ABCB5: variants seen among roughly 807,000 people sequenced by gnomAD.
The protein encoded by ABCB5 is ATP binding cassette subfamily B member 5.
A neutral mutation model predicts 144.2 loss-of-function variants in ABCB5; 155 were observed. That is an observed-to-expected ratio of 1.08 (90% CI 0.94 to 1.23). ABCB5 has a LOEUF of 1.23. Among genes scored for constraint, ABCB5 ranks in the 50% most tolerant of loss-of-function variants. The pLI, the probability that ABCB5 is intolerant of heterozygous loss-of-function variation, is 0.00. For missense variants in ABCB5, 1,830 were observed against 1,520.8 expected (o/e 1.20, Z -3.38); for synonymous variants, 610 against 528.6 (o/e 1.15, Z -2.11).
chr7:20,741,781 C>T (rs1403934810), intron 24 of ABCB5, among the ~76,000 whole-genome samples: 1 of 152,152 alleles, frequency 6.6e-6, no homozygotes, highest in Non-Finnish European at 1.5e-5. Context: ...ACTACCACCA[C>T]ACACACATGC....
At chr7:20,694,995 A>C (rs1786358719) in intron 16 of ABCB5, among the ~76,000 whole-genome samples, 2 of 151,966 alleles carry the variant, frequency 1.3e-5, no homozygotes, top group East Asian at 3.8e-4. Context: ...TGAATAAGAA[A>C]ATTCAGTATA....
intron 16 of ABCB5, among the ~76,000 whole-genome samples, chr7:20,687,706 C>T: frequency 6.6e-6 from 1 of 152,036 alleles, no homozygotes; most frequent in East Asian, 1.9e-4. Flanking sequence ...GAAAAATAAA[C>T]AAGGAAGTGA....
intron 20 of ABCB5, among the ~76,000 whole-genome samples, chr7:20,715,816 T>TGCC (rs1781657956): frequency 6.7e-6 from 1 of 149,878 alleles, no homozygotes; most frequent in African/African-American, 2.5e-5. Flanking sequence ...GCCTCCCGGG[T>TGCC]TCAAGCGACT....
At chr7:20,717,182 T>C (rs1251237281) in intron 20 of ABCB5, among the ~76,000 whole-genome samples, 2 of 152,070 alleles carry the variant, frequency 1.3e-5, no homozygotes, top group South Asian at 2.1e-4. Context: ...CTGAAACTTA[T>C]GGTGGGGGGT....
At chr7:20,648,131 T>C in intron 11 of ABCB5, 53 bp downstream of exon 11, 1 of 1,089,980 alleles carries the variant, frequency 9.2e-7, no homozygotes, top group Non-Finnish European at 1.4e-6. Flanking sequence ...TATCTTCTAC[T>C]GGCCAAGATC....
At chr7:20,683,725 T>C (rs1440189758) in intron 15 of ABCB5, among the ~76,000 whole-genome samples, 1 of 152,210 alleles carries the variant, frequency 6.6e-6, no homozygotes, top group African/African-American at 2.4e-5. Context: ...ATACTAAGTA[T>C]AATATTCTAA....
At chr7:20,703,375 G>A (rs1786700063) in intron 19 of ABCB5, among the ~76,000 whole-genome samples, 1 of 152,194 alleles carries the variant, frequency 6.6e-6, no homozygotes, top group South Asian at 2.1e-4. Flanking sequence ...ACTGTCCGGT[G>A]CAGACTGTAA....
chr7:20,645,646 T>C, intron 7 of ABCB5, 110 bp from the exon 8 acceptor site: 21 of 1,360,024 alleles, frequency 1.5e-5, no homozygotes, highest in Middle Eastern at 2.1e-4. Flanking sequence ...AGATAAAGTC[T>C]AAAAAAATAC....
At chr7:20,675,642 A>G (rs1260312834) in intron 14 of ABCB5, among the ~76,000 whole-genome samples, 1 of 152,060 alleles carries the variant, frequency 6.6e-6, no homozygotes, top group Non-Finnish European at 1.5e-5. Context: ...AAACAACAAA[A>G]GCAAAATTAA....
At chr7:20,738,706 T>C (rs552460587) in intron 23 of ABCB5, among the ~76,000 whole-genome samples, 11 of 152,320 alleles carry the variant, frequency 7.2e-5, no homozygotes, top group African/African-American at 2.4e-4. Context: ...AGAAGTTTTA[T>C]ATTCACTAGT....
At chr7:20,728,651 G>A (rs1782116587) in intron 23 of ABCB5, among the ~76,000 whole-genome samples, 196 bp downstream of exon 23, 3 of 152,216 alleles carry the variant, frequency 2.0e-5, no homozygotes, top group Admixed American at 2.0e-4. Context: ...CTACTCAGGA[G>A]GCTGAGGCAG....
At chr7:20,665,766 GAGATAC>G (rs1281738012) in intron 14 of ABCB5, among the ~76,000 whole-genome samples, 36 of 131,406 alleles carry the variant, frequency 2.7e-4, no homozygotes, top group Non-Finnish European at 5.3e-4. Context: ...TAGATAGATA[GAGATAC>G]ATACATACAT....
intron 23 of ABCB5, among the ~76,000 whole-genome samples, chr7:20,733,731 T>C (rs1047797335): frequency 6.6e-6 from 1 of 151,956 alleles, no homozygotes; most frequent in Non-Finnish European, 1.5e-5. Context: ...CTCCGCTTCC[T>C]GGATTCAAGC....
intron 20 of ABCB5, among the ~76,000 whole-genome samples, chr7:20,713,256 C>G (rs1781554737): frequency 6.8e-6 from 1 of 147,748 alleles, no homozygotes; most frequent in Non-Finnish European, 1.5e-5. Flanking sequence ...TTTTTCCAGA[C>G]AGGGTCTCAT....
In ABCB5 at chr7:20,689,119, T is replaced by A. The variant is rs554835725; in HGVS notation, c.2010+3283T>A. Among the ~76,000 whole-genome samples the A allele has an allele frequency of 2.0e-5, 3 of 151,952 alleles. No individual in the cohort carries two copies. In the South Asian group the frequency reaches 6.2e-4, roughly 32 times the overall value. On this transcript the variant is annotated intron_variant, in intron 16 of 27. Transcript: ENST00000404938. ...TACCCTAGAACTTAAAGTATAATAA[T>A]AAAATAATAATAATAATAATAAAAG...
At chr7:20,656,525 G>GT (rs35911127) in intron 13 of ABCB5, among the ~76,000 whole-genome samples, 29,199 of 151,942 alleles carry the variant, frequency 0.19, 2,983 homozygotes, top group African/African-American at 0.26. Context: ...ACCATTATTA[G>GT]TCACCAGAGA....
At chr7:20,625,905 C>T (rs953693151) in intron 2 of ABCB5, among the ~76,000 whole-genome samples, 3 of 152,132 alleles carry the variant, frequency 2.0e-5, no homozygotes, top group Non-Finnish European at 4.4e-5. Context: ...TCTAAGTGCT[C>T]AACAAAACGT....
chr7:20,684,334 C>G (rs145571773), intron 15 of ABCB5, among the ~76,000 whole-genome samples: 204 of 152,264 alleles, frequency 1.3e-3, no homozygotes, highest in African/African-American at 4.6e-3. Flanking sequence ...TGTCCAGCGA[C>G]CTTCTCAAGA....
At chr7:20,641,402 T>A (rs1784292514) in intron 5 of ABCB5, among the ~76,000 whole-genome samples, 1 of 151,962 alleles carries the variant, frequency 6.6e-6, no homozygotes, top group African/African-American at 2.4e-5. Flanking sequence ...AGTGTGCACC[T>A]GTAGTCCCAG....
Sources: allele counts gnomAD v4.1 joint callset (sites outside exome capture counted in the v4.1 genomes callset), GRCh38; gene constraint gnomAD v4.1.1; transcripts MANE v1.5; gene names NCBI Gene and HGNC (gene_info 2026-07-23, HGNC 2026-07-21).